LDLRAD4: variants seen among roughly 807,000 people sequenced by gnomAD.
The protein encoded by LDLRAD4 is low density lipoprotein receptor class A domain containing 4.
LDLRAD4 carries 5 observed loss-of-function variants against 17.0 expected under a neutral mutation model. That is an observed-to-expected ratio of 0.29 (90% CI 0.15 to 0.62). The LOEUF (loss-of-function observed/expected upper bound fraction) is 0.62, where lower values mean the gene tolerates loss of function less well. Among genes scored for constraint, LDLRAD4 ranks in the 20% least tolerant of loss-of-function variants. The probability of loss-of-function intolerance (pLI) is 0.84; values close to 1 mark genes in which losing one functional copy is unlikely to be tolerated. For missense variants in LDLRAD4, 340 were observed against 424.7 expected, an observed-to-expected ratio of 0.80 and a Z score of 1.75; for synonymous variants, 168 against 171.8, an observed-to-expected ratio of 0.98 and a Z score of 0.17.
Position 13,293,252 on chromosome 18 carries a change from AAGG to A in LDLRAD4, c.-383+15067_-383+15069del, listed in dbSNP as rs1318712479. On this transcript the variant is annotated intron_variant, in intron 1 of 5. Coordinates refer to ENST00000359446, the Ensembl canonical transcript of LDLRAD4. The stretch of plus-strand genomic sequence containing the variant: ...ATTCATTTAGTCCTGGGTGGGGTAA[AAGG>A]AGAGGAGACAATATTCCAGGTTGCT... 2.0e-5 allele frequency among the ~76,000 whole-genome samples: 3 copies of A among 152,172 alleles called. No individual in the cohort carries two copies. In the East Asian group the frequency reaches 5.8e-4, roughly 29 times the overall value.
At chr18:13,345,821 C>T (rs2082650431) in intron 1 of LDLRAD4, among the ~76,000 whole-genome samples, 1 of 152,102 alleles carries the variant, frequency 6.6e-6, no homozygotes, top group African/African-American at 2.4e-5. Context: ...GTGTATGTGT[C>T]CAGGAATGTA....
chr18:13,534,507 G>T (rs1251294085), intron 3 of LDLRAD4, among the ~76,000 whole-genome samples: 1 of 151,504 alleles, frequency 6.6e-6, no homozygotes, highest in African/African-American at 2.4e-5. Flanking sequence ...GAAAGAGGAC[G>T]AAAAGGCTTT....
chr18:13,575,713 C>T (rs4424962), intron 3 of LDLRAD4, among the ~76,000 whole-genome samples: 24,475 of 152,222 alleles, frequency 0.16, 2,238 homozygotes, highest in Admixed American at 0.26. Context: ...GTTCCTTTTT[C>T]ACCGCATCCA....
chr18:13,384,359 T>G (rs1288734894), intron 1 of LDLRAD4, among the ~76,000 whole-genome samples: 1 of 152,258 alleles, frequency 6.6e-6, no homozygotes, highest in Non-Finnish European at 1.5e-5. Flanking sequence ...GGTAGAAATA[T>G]TCAATTCAAA....
At chr18:13,429,134 A>G (rs1421255398) in intron 2 of LDLRAD4, among the ~76,000 whole-genome samples, 1 of 152,046 alleles carries the variant, frequency 6.6e-6, no homozygotes, top group Non-Finnish European at 1.5e-5. Context: ...GTGCGTCGGG[A>G]CATGGGAAGG....
At chr18:13,485,322 G>A (rs774789151) in intron 3 of LDLRAD4, among the ~76,000 whole-genome samples, 4 of 152,352 alleles carry the variant, frequency 2.6e-5, no homozygotes, top group East Asian at 1.9e-4. Flanking sequence ...GTAGAAACAC[G>A]GAGTTGGGAG....
intron 1 of LDLRAD4, among the ~76,000 whole-genome samples, chr18:13,351,122 T>C (rs1412513957): frequency 1.3e-5 from 2 of 152,220 alleles, no homozygotes; most frequent in Non-Finnish European, 2.9e-5. Context: ...GGATCTTTTT[T>C]GGTTCCATAT....
chr18:13,513,830 A>C (rs1216577642), intron 3 of LDLRAD4, among the ~76,000 whole-genome samples: 1 of 152,206 alleles, frequency 6.6e-6, no homozygotes, highest in Non-Finnish European at 1.5e-5. Context: ...AAACATTTAA[A>C]AGTATTTAGA....
chr18:13,611,071 G>A (rs2039508135), intron 3 of LDLRAD4: 1 of 154,318 alleles, frequency 6.5e-6, no homozygotes, highest in African/African-American at 2.4e-5. Context: ...CCCCAAAAAT[G>A]AGAACATGAG....
intron 2 of LDLRAD4, among the ~76,000 whole-genome samples, chr18:13,421,945 G>C (rs2089502200): frequency 6.6e-6 from 1 of 152,206 alleles, no homozygotes; most frequent in South Asian, 2.1e-4. Flanking sequence ...TGACTCCTTA[G>C]ACCTGTGCCT....
chr18:13,502,741 G>A lies in LDLRAD4; in HGVS notation c.181+64357G>A, dbSNP rs929998794. ...GACTGTACGGGCCACACCCATGGAC[G>A]TGATCTGTCTATGAAACAGGTCTTC... On this transcript the variant is annotated intron_variant, in intron 3 of 5. Transcript: ENST00000359446. 4.6e-5 allele frequency among the ~76,000 whole-genome samples: 7 copies of A among 152,336 alleles called. No individual in the cohort carries two copies. The East Asian group carries it at 5.8e-4, about 13-fold the overall frequency.
chr18:13,473,678 T>TATATATATAAAA (rs374731826), intron 3 of LDLRAD4, among the ~76,000 whole-genome samples: 9 of 79,952 alleles, frequency 1.1e-4, no homozygotes, highest in Non-Finnish European at 1.8e-4. Context: ...TATATATATA[T>TATATATATAAAA]AACGTTTACA....
Position 13,367,955 on chromosome 18 carries a change from G to A in LDLRAD4, c.-382-19386G>A, listed in dbSNP as rs957398503. ...GAGTTTTGCTTGAGCCTGAGAAGTC[G>A]AGGCTGCAGTGAGCCATGACGGCAC... is the stretch of plus-strand genomic sequence containing the variant. On this transcript the variant is annotated intron_variant, in intron 1 of 5. Transcript: ENST00000359446. This position sits in a 1 kb window ranked among gnomAD's most constrained non-coding sequence, Gnocchi z 4.1. Among the ~76,000 whole-genome samples the A allele has an allele frequency of 1.4e-4, 21 of 152,048 alleles. No homozygotes were observed. The highest frequency in any genetic ancestry group is 4.3e-4 in the African/African-American group (18 of 41,394).
chr18:13,262,058 G>A (rs2043858116), intron 1 of LDLRAD4, among the ~76,000 whole-genome samples: 1 of 117,210 alleles, frequency 8.5e-6, no homozygotes, highest in South Asian at 2.8e-4. Flanking sequence ...TGAGTCCCGT[G>A]CGGCTCTGTG....
chr18:13,462,405 C>T (rs894830207), intron 3 of LDLRAD4, among the ~76,000 whole-genome samples: 1 of 152,074 alleles, frequency 6.6e-6, no homozygotes, highest in Non-Finnish European at 1.5e-5. Context: ...ATCCAGGTGT[C>T]AAGCCAGGGT....
chr18:13,285,245 G>A (rs2045553994), intron 1 of LDLRAD4, among the ~76,000 whole-genome samples: 1 of 152,150 alleles, frequency 6.6e-6, no homozygotes, highest in South Asian at 2.1e-4. Flanking sequence ...AGAATGCCAG[G>A]GCTTTGATAG....
intron 1 of LDLRAD4, among the ~76,000 whole-genome samples, chr18:13,324,911 C>T (rs191087847): frequency 6.6e-6 from 1 of 152,168 alleles, no homozygotes; most frequent in Non-Finnish European, 1.5e-5. Context: ...TCACTGAATA[C>T]ATGTGACATG....
intron 1 of LDLRAD4, among the ~76,000 whole-genome samples, chr18:13,302,332 G>A (rs181180908): frequency 3.2e-4 from 49 of 152,320 alleles, no homozygotes; most frequent in African/African-American, 1.1e-3. Flanking sequence ...CAAACCTGGC[G>A]TTTGAAGCTC....
At chr18:13,361,155 A>G (rs976106199) in intron 1 of LDLRAD4, among the ~76,000 whole-genome samples, 3 of 152,076 alleles carry the variant, frequency 2.0e-5, no homozygotes, top group Non-Finnish European at 4.4e-5. Context: ...ATACACTTCT[A>G]CAAGCTCCGC....
Sources: allele counts gnomAD v4.1 joint callset (sites outside exome capture counted in the v4.1 genomes callset), GRCh38; gene constraint gnomAD v4.1.1; non-coding constraint Gnocchi (gnomAD v3.1); transcripts MANE v1.5; gene names NCBI Gene and HGNC (gene_info 2026-07-23, HGNC 2026-07-21).